SBNO2: variants seen among roughly 807,000 people sequenced by gnomAD.
SBNO2 encodes strawberry notch homolog 2, also known as protein strawberry notch homolog 2.
Under a neutral mutation model 146.3 loss-of-function variants are expected in SBNO2, and 89 were observed. The ratio of observed to expected loss-of-function variants is 0.61; its 90% CI spans 0.51 to 0.73. The LOEUF (loss-of-function observed/expected upper bound fraction) is 0.73. SBNO2 is among the 30% of genes least tolerant of loss of function. The probability of loss-of-function intolerance (pLI) is 0.00; values close to 1 mark genes in which losing one functional copy is unlikely to be tolerated. For missense variants in SBNO2, 2,092 were observed against 2,003.7 expected (o/e 1.04, Z -0.84); for synonymous variants, 1,147 against 892.6 (o/e 1.29, Z -5.08).
At chr19:1,123,087 A>G (rs1333705157) in intron 7 of SBNO2, 42 bp from the exon 8 acceptor site, 1 of 1,576,344 alleles carries the variant, frequency 6.3e-7, no homozygotes, top group South Asian at 1.2e-5. Flanking sequence ...GGGTATGGCC[A>G]AGGGGTGACC....
rs953377832 is a variant in SBNO2 at position 1,114,822 on chromosome 19, A to G, written c.1886-400T>C. Among the ~76,000 whole-genome samples the G allele has an allele frequency of 3.3e-5, 5 of 151,700 alleles. No individual in the cohort carries two copies. The East Asian group carries it at 9.7e-4, about 29-fold the overall frequency. On this transcript the variant is annotated intron_variant, in intron 17 of 31. Transcript: ENST00000361757. Reference sequence around the variant, plus strand: ...GCTAATCTTTTGTATTTTAGTAGAGATGGGGTTTCACCATGTTGGCCAGGA... The same window carrying G: ...GCTAATCTTTTGTATTTTAGTAGAGGTGGGGTTTCACCATGTTGGCCAGGA...
At chr19:1,124,205 C>T (rs760665483) in intron 5 of SBNO2, 183 bp from the exon 6 acceptor site, 28 of 642,238 alleles carry the variant, frequency 4.4e-5, no homozygotes, top group Non-Finnish European at 6.8e-5. Flanking sequence ...GCCTCCCAAG[C>T]CTCCCCAGTG....
At chr19:1,152,878 C>T (rs1275668627) in intron 2 of SBNO2, among the ~76,000 whole-genome samples, 1 of 152,142 alleles carries the variant, frequency 6.6e-6, no homozygotes, top group Middle Eastern at 3.2e-3. Context: ...CAGGGCCGGG[C>T]GCGGTGGCTC....
Position 1,109,830 on chromosome 19 carries a change from G to A in SBNO2, c.3029-53C>T. ...TGTCCAGGCCTGGGACTGTGGGCTG[G>A]GGCCAGGGTCAGTCCCGTAGCCGGG... is the stretch of plus-strand genomic sequence containing the variant. On this transcript the variant is annotated intron_variant, in intron 26 of 31. Transcript: ENST00000361757. This position sits in a 1 kb window ranked among gnomAD's most constrained non-coding sequence, Gnocchi z 4.2. The A allele has an allele frequency of 7.2e-7, 1 of 1,388,038 alleles. No individual in the cohort carries two copies. Among genetic ancestry groups the A allele is most frequent in the Non-Finnish European group, 1.0e-6 (1 of 1,003,674 alleles). The allele number at this position is 1,388,038 out of a possible 1,614,324, so 86.0% of individuals were successfully genotyped here.
Position 1,108,457 on chromosome 19 carries a change from G to C in SBNO2, c.3864C>G (p.Val1288=), listed in dbSNP as rs534539470. The C allele has an allele frequency of 7.5e-4, 921 of 1,233,724 alleles. 5 individuals are homozygous for C. The highest frequency in any genetic ancestry group is 7.4e-3 in the South Asian group (319 of 43,000). The allele number at this position is 1,233,724 out of a possible 1,614,324, so 76.4% of individuals were successfully genotyped here. ...GGGCGTCGGGGGTGCCCAGCGGCAC[G>C]ACGCCGGGGCCGGCGTCCAGGGACA... The part of the protein sequence containing the change: ...APLSLDAGPG[V]VPLGTPDAQA... The change falls in exon 32 of 32, where the codon GTC becomes GTG. Residue 1288 remains valine (V), a synonymous_variant. Transcript: ENST00000361757.
At chr19:1,146,033 G>C (rs944608759) in intron 4 of SBNO2, among the ~76,000 whole-genome samples, 1 of 152,050 alleles carries the variant, frequency 6.6e-6, no homozygotes, top group African/African-American at 2.4e-5. Flanking sequence ...CCAGCCCTGG[G>C]GCTCCAGGAG....
chr19:1,139,545 G>A (rs1233931597), intron 4 of SBNO2, among the ~76,000 whole-genome samples: 6 of 151,824 alleles, frequency 4.0e-5, no homozygotes, highest in South Asian at 2.1e-4. Context: ...CTGTAATCCC[G>A]ACACTTTGGG....
chr19:1,108,714 G>C lies in SBNO2; in HGVS notation c.3617-10C>G. 2 of 1,559,398 alleles carry C rather than the reference G, an allele frequency of 1.3e-6. No homozygotes were observed. Among genetic ancestry groups the C allele is most frequent in the Non-Finnish European group, 1.7e-6 (2 of 1,160,808 alleles). Reference sequence around the variant, plus strand: ...TCGGGGATCTTGATGCCTGCGGGCAGAGCGTCGGGGTCAGGGCCGGCGCTG... The same window carrying C: ...TCGGGGATCTTGATGCCTGCGGGCACAGCGTCGGGGTCAGGGCCGGCGCTG... On this transcript the variant is annotated splice_polypyrimidine_tract_variant and intron_variant, in intron 31 of 31. Coordinates refer to ENST00000361757, the MANE Select transcript of SBNO2 (RefSeq NM_014963.3).
chr19:1,108,548 T>A lies in SBNO2; in HGVS notation c.3773A>T (p.Asp1258Val). ...CTCGGCCGGGGGGCTGTAGGTGAGGTCCAGCACCTCTCCGGGGCCGCAAGG... is the reference window on the plus strand; with the variant it reads ...CTCGGCCGGGGGGCTGTAGGTGAGGACCAGCACCTCTCCGGGGCCGCAAGG... The part of the protein sequence containing the change: ...ALPCGPGEVL[D>V]LTYSPPAEAF... The change falls in exon 32 of 32, where the codon GAC becomes GTC. Residue 1258 changes from aspartate (D) to valine (V), a missense_variant. Coordinates refer to ENST00000361757, the MANE Select transcript of SBNO2 (RefSeq NM_014963.3). 8.2e-7 allele frequency: 1 copy of A among 1,222,116 alleles called. No homozygotes were observed. The highest frequency in any genetic ancestry group is 1.0e-6 in the Non-Finnish European group (1 of 982,594). The allele number at this position is 1,222,116 out of a possible 1,614,324, so 75.7% of individuals were successfully genotyped here. A position where few individuals can be genotyped will look rare whatever the true frequency, so the allele number is the denominator to read the frequency against.
chr19:1,156,158 G>A (rs866706456), intron 1 of SBNO2, among the ~76,000 whole-genome samples: 2 of 152,144 alleles, frequency 1.3e-5, no homozygotes, highest in African/African-American at 2.4e-5. Flanking sequence ...CTGTGTCCGA[G>A]TCCCCTAGGC....
At chr19:1,113,303 G>C (rs2079789625) in intron 19 of SBNO2, among the ~76,000 whole-genome samples, 1 of 152,162 alleles carries the variant, frequency 6.6e-6, no homozygotes, top group African/African-American at 2.4e-5. Flanking sequence ...GCCAGGCTGG[G>C]GGATCTGGGG....
intron 5 of SBNO2, among the ~76,000 whole-genome samples, chr19:1,125,610 G>A (rs2079956331): frequency 6.6e-6 from 1 of 151,342 alleles, no homozygotes. Context: ...GAGGTGGAGG[G>A]TGCAGTGAGC....
At chr19:1,138,327 G>T (rs542288343) in intron 4 of SBNO2, among the ~76,000 whole-genome samples, 2 of 151,674 alleles carry the variant, frequency 1.3e-5, no homozygotes, top group Admixed American at 1.3e-4. Flanking sequence ...GGCTGGGCCT[G>T]GAGCAGGGGA....
At position 1,140,699 on chromosome 19, in the gene SBNO2, A is replaced by C. The variant is rs2080127223; in HGVS notation, c.279+6610T>G. On this transcript the variant is annotated intron_variant, in intron 4 of 31. Coordinates refer to ENST00000361757, the MANE Select transcript of SBNO2 (RefSeq NM_014963.3). This position sits in a 1 kb window ranked among gnomAD's most constrained non-coding sequence, Gnocchi z 4.4. ...CAGCAGGAGAAGGCACACGGAAAAC[A>C]GACGGACGCAGCAGGGATGCCCGCA... Among the ~76,000 whole-genome samples, 1 of 152,198 alleles carries C rather than the reference A, an allele frequency of 6.6e-6. No homozygotes were observed.
rs562401834 is a variant in SBNO2 at position 1,150,015 on chromosome 19, C to G, written c.94-573G>C. Among the ~76,000 whole-genome samples the G allele has an allele frequency of 6.6e-6, 1 of 152,268 alleles. No homozygotes were observed. The highest frequency in any genetic ancestry group is 1.9e-4 in the East Asian group (1 of 5,186). Reference sequence around the variant, plus strand: ...CTGACTTCTCAGAAGCTGCACGGGGCTGGGGTGCGGGGAGCCTGCTTTGGG... The same window carrying G: ...CTGACTTCTCAGAAGCTGCACGGGGGTGGGGTGCGGGGAGCCTGCTTTGGG... On this transcript the variant is annotated intron_variant, in intron 2 of 31. Coordinates refer to ENST00000361757, the MANE Select transcript of SBNO2 (RefSeq NM_014963.3). This position sits in a 1 kb window ranked among gnomAD's most constrained non-coding sequence, Gnocchi z 6.2.
rs761453018 is a variant in SBNO2 at position 1,154,224 on chromosome 19, G to A, written c.53C>T (p.Pro18Leu). The change falls in exon 2 of 32, where the codon CCG becomes CTG. Residue 18 changes from proline (P) to leucine (L), a missense_variant. Transcript: ENST00000361757. ...MDRDYPQHEP[P>L]PAGSLLYSPP... ...GCTGTACAGGAGGCTGCCCGCCGGC[G>A]GGGGTTCATGCTGCGGGTAATCCCT... The A allele has an allele frequency of 4.6e-5, 58 of 1,263,192 alleles. No homozygotes were observed. In the East Asian group the frequency reaches 6.6e-4, roughly 14 times the overall value. 78.2% of individuals were successfully genotyped at this position (1,263,192 alleles called of 1,614,324 possible). A position where few individuals can be genotyped will look rare whatever the true frequency, so the allele number is the denominator to read the frequency against.
At chr19:1,171,272 ACACGTCCGTACGACGCACACACAGAATG>A (rs1157098642) in intron 1 of SBNO2, among the ~76,000 whole-genome samples, 1 of 152,112 alleles carries the variant, frequency 6.6e-6, no homozygotes, top group Admixed American at 6.5e-5. Context: ...CAGAACGCGC[ACACGTCCGTACGACGCACACACAGAATG>A]CACGTGCGTA....
intron 6 of SBNO2, 90 bp downstream of exon 6, chr19:1,123,852 G>T (rs996358322): frequency 3.0e-6 from 4 of 1,349,276 alleles, no homozygotes; most frequent in Non-Finnish European, 4.1e-6. Flanking sequence ...CCAGCCAAGC[G>T]CTCCCCACAA....
chr19:1,112,133 T>C lies in SBNO2; in HGVS notation c.2628+56A>G. The C allele has an allele frequency of 6.2e-7, 1 of 1,601,126 alleles. No individual in the cohort carries two copies. Among genetic ancestry groups the C allele is most frequent in the East Asian group, 2.2e-5 (1 of 44,484 alleles). ...CTGGCCTCTAGCACCCCACAAAGCTTTGGAGAGCCTTCCTGGGCCTGTCCC... is the reference window on the plus strand; with the variant it reads ...CTGGCCTCTAGCACCCCACAAAGCTCTGGAGAGCCTTCCTGGGCCTGTCCC... On this transcript the variant is annotated intron_variant, in intron 22 of 31. Transcript: ENST00000361757. The surrounding 1 kb of genome is among the most constrained non-coding windows in gnomAD (Gnocchi z 5.9).
Sources: gnomAD v4.1 joint callset for allele counts (sites outside exome capture counted in the v4.1 genomes callset) on GRCh38, gnomAD v4.1.1 for gene constraint, Gnocchi (gnomAD v3.1) non-coding constraint, MANE v1.5 for transcripts, NCBI Gene and HGNC (gene_info 2026-07-23, HGNC 2026-07-21) for gene names.